CORIN: variants seen among roughly 807,000 people sequenced by gnomAD.
CORIN encodes atrial natriuretic peptide-converting enzyme.
A neutral mutation model predicts 125.3 loss-of-function variants in CORIN; 117 were observed. The observed-to-expected ratio is 0.93, with a 90% CI of 0.80 to 1.09. The LOEUF is 1.09. Among genes scored for constraint, CORIN ranks in the 50% least tolerant of loss-of-function variants. CORIN has a pLI of 0.00. For missense variants in CORIN, 1,253 were observed against 1,306.7 expected (o/e 0.96, Z 0.63); for synonymous variants, 450 against 466.4 (o/e 0.96, Z 0.45).
chr4:47,774,603 C>T (rs924877641), intron 3 of CORIN, among the ~76,000 whole-genome samples: 2 of 151,976 alleles, frequency 1.3e-5, no homozygotes, highest in Non-Finnish European at 2.9e-5. Context: ...GGAGTCAGCA[C>T]GAAAGGGAAA....
intron 5 of CORIN, among the ~76,000 whole-genome samples, chr4:47,702,864 C>G (rs1355772357): frequency 6.6e-6 from 1 of 152,184 alleles, no homozygotes; most frequent in East Asian, 1.9e-4. Flanking sequence ...TTCCTACCTA[C>G]TCTCTATTGT....
intron 4 of CORIN, among the ~76,000 whole-genome samples, chr4:47,745,857 A>C (rs925552519): frequency 1.3e-5 from 2 of 152,238 alleles, no homozygotes; most frequent in Non-Finnish European, 2.9e-5. Context: ...GGAAAAAGGG[A>C]ATTCAACAAT....
Position 47,783,296 on chromosome 4 carries a change from T to C in CORIN, c.409+3429A>G, listed in dbSNP as rs572411214. Among the ~76,000 whole-genome samples the C allele has an allele frequency of 2.0e-5, 3 of 152,228 alleles. No individual in the cohort carries two copies. The South Asian group carries it at 6.2e-4, about 32-fold the overall frequency. ...AGTATGAACATTAACTATGGGCCTT[T>C]TCCTTTTTCACATTATAATTTGTTT... On this transcript the variant is annotated intron_variant, in intron 3 of 21. Coordinates refer to ENST00000273857, the MANE Select transcript of CORIN (RefSeq NM_006587.4).
chr4:47,699,850 C>G (rs1169814577), intron 5 of CORIN, among the ~76,000 whole-genome samples: 1 of 152,180 alleles, frequency 6.6e-6, no homozygotes, highest in East Asian at 1.9e-4. Context: ...ACAGATGGCC[C>G]TTCTGCGGAA....
chr4:47,715,497 C>T (rs140583762), intron 5 of CORIN, among the ~76,000 whole-genome samples: 15 of 152,088 alleles, frequency 9.9e-5, no homozygotes, highest in African/African-American at 3.4e-4. Context: ...CCCAGCTACT[C>T]GGGAGGCTGA....
intron 4 of CORIN, among the ~76,000 whole-genome samples, chr4:47,753,163 C>A (rs1728983087): frequency 6.6e-6 from 1 of 152,022 alleles, no homozygotes; most frequent in Non-Finnish European, 1.5e-5. Flanking sequence ...TCCCCTTGAG[C>A]CGCAAAACCA....
intron 16 of CORIN, among the ~76,000 whole-genome samples, chr4:47,633,848 T>C (rs1315852268): frequency 6.6e-6 from 1 of 152,198 alleles, no homozygotes; most frequent in Non-Finnish European, 1.5e-5. Flanking sequence ...ACACAAGTCT[T>C]GCTTTGTTGG....
intron 5 of CORIN, among the ~76,000 whole-genome samples, chr4:47,739,380 G>T (rs1448969944): frequency 1.3e-5 from 2 of 152,002 alleles, no homozygotes; most frequent in Non-Finnish European, 2.9e-5. Flanking sequence ...AGTCCAAAAG[G>T]AAGTGGGATA....
chr4:47,806,688 G>A (rs1224699166), intron 2 of CORIN, among the ~76,000 whole-genome samples: 5 of 152,202 alleles, frequency 3.3e-5, no homozygotes, highest in African/African-American at 9.6e-5. Context: ...TTCCTTAAAT[G>A]TTTTAAATTC....
intron 12 of CORIN, among the ~76,000 whole-genome samples, chr4:47,657,548 A>G (rs924483811): frequency 9.9e-5 from 15 of 151,820 alleles, no homozygotes; most frequent in Admixed American, 5.9e-4. Context: ...AAAAAAAAAA[A>G]AAAAAGAAAA....
At chr4:47,689,666 T>C (rs1047835569) in intron 6 of CORIN, among the ~76,000 whole-genome samples, 1 of 152,242 alleles carries the variant, frequency 6.6e-6, no homozygotes, top group African/African-American at 2.4e-5. Context: ...AAGCACTTGC[T>C]ATGTCCTAGG....
intron 11 of CORIN, among the ~76,000 whole-genome samples, chr4:47,664,597 C>T (rs1724390379): frequency 6.6e-6 from 1 of 152,176 alleles, no homozygotes; most frequent in Admixed American, 6.5e-5. Context: ...ATGTCCATCG[C>T]TGTCCAATCT....
intron 5 of CORIN, among the ~76,000 whole-genome samples, chr4:47,695,020 T>C (rs1043020056): frequency 5.9e-5 from 9 of 152,236 alleles, no homozygotes; most frequent in Non-Finnish European, 1.2e-4. Context: ...TTATAGTCCA[T>C]AATTTCAGTA....
chr4:47,793,050 G>A (rs185681866), intron 2 of CORIN, among the ~76,000 whole-genome samples: 1 of 152,134 alleles, frequency 6.6e-6, no homozygotes, highest in African/African-American at 2.4e-5. Flanking sequence ...TGTTGTTGTT[G>A]TTACACTTTA....
At position 47,623,952 on chromosome 4, in the gene CORIN, G is replaced by T; in HGVS notation, c.2316-4C>A. On this transcript the variant is annotated splice_polypyrimidine_tract_variant and splice_region_variant and intron_variant, in intron 17 of 21. Transcript: ENST00000273857. ...ACTTCTGCTCTCACAAGACTGCCTGGATTTGGAAACATAAAATGGTATAAC... is the reference window on the plus strand; with the variant it reads ...ACTTCTGCTCTCACAAGACTGCCTGTATTTGGAAACATAAAATGGTATAAC... The T allele has an allele frequency of 6.2e-7, 1 of 1,611,814 alleles. No individual in the cohort carries two copies. Among genetic ancestry groups the T allele is most frequent in the Admixed American group, 1.7e-5 (1 of 59,950 alleles).
chr4:47,781,219 T>C (rs1202160786), intron 3 of CORIN, among the ~76,000 whole-genome samples: 1 of 152,174 alleles, frequency 6.6e-6, no homozygotes, highest in Non-Finnish European at 1.5e-5. Context: ...AAATAGGTTG[T>C]AAGTGAAAGG....
intron 2 of CORIN, among the ~76,000 whole-genome samples, chr4:47,791,607 G>A (rs1394170626): frequency 6.6e-6 from 1 of 152,154 alleles, no homozygotes; most frequent in African/African-American, 2.4e-5. Context: ...GGAAACTGAA[G>A]TTTATGAGAG....
intron 6 of CORIN, among the ~76,000 whole-genome samples, chr4:47,689,262 C>T (rs1042968933): frequency 6.6e-6 from 1 of 152,104 alleles, no homozygotes; most frequent in African/African-American, 2.4e-5. Flanking sequence ...GGTCTATATG[C>T]TTTATATTCA....
intron 5 of CORIN, among the ~76,000 whole-genome samples, chr4:47,737,295 T>C (rs1728176549): frequency 6.6e-6 from 1 of 152,238 alleles, no homozygotes; most frequent in Admixed American, 6.5e-5. Context: ...ATCATATATG[T>C]GTCTGGCCCA....
Sources: allele counts gnomAD v4.1 joint callset (sites outside exome capture counted in the v4.1 genomes callset), GRCh38; gene constraint gnomAD v4.1.1; transcripts MANE v1.5; gene names NCBI Gene and HGNC (gene_info 2026-07-23, HGNC 2026-07-21).